The following LRBA variants were observed in gnomAD, a reference collection of about 807,000 sequenced individuals.
LRBA encodes LPS responsive beige-like anchor protein.
LRBA carries 176 observed loss-of-function variants against 330.0 expected under a neutral mutation model. The observed-to-expected ratio is 0.53, with a 90% CI of 0.47 to 0.60. LRBA has a LOEUF of 0.60. Among genes scored for constraint, LRBA ranks in the 20% least tolerant of loss-of-function variants. LRBA has a pLI of 0.00. For missense variants in LRBA, 3,259 were observed against 3,444.8 expected, an observed-to-expected ratio of 0.95 and a Z score of 1.35; for synonymous variants, 1,230 against 1,193.0, an observed-to-expected ratio of 1.03 and a Z score of -0.64.
intron 40 of LRBA, among the ~76,000 whole-genome samples, chr4:150,558,607 G>C (rs966002310): frequency 6.6e-6 from 1 of 152,028 alleles, no homozygotes; most frequent in African/African-American, 2.4e-5. Flanking sequence ...CATTTCTCTG[G>C]GGAGTCCTGG....
At chr4:150,796,674 T>TA (rs1740836202) in intron 34 of LRBA, among the ~76,000 whole-genome samples, 1 of 151,948 alleles carries the variant, frequency 6.6e-6, no homozygotes, top group African/African-American at 2.4e-5. Flanking sequence ...ATATTGGAAA[T>TA]AGCTTCCATG....
intron 40 of LRBA, among the ~76,000 whole-genome samples, chr4:150,507,862 C>T (rs1043978798): frequency 1.4e-4 from 22 of 152,072 alleles, no homozygotes; most frequent in African/African-American, 3.4e-4. Context: ...GTTAAGAAAA[C>T]GTGGCACATA....
In LRBA at chr4:150,572,071, A is replaced by G. The variant is rs557413272; in HGVS notation, c.6330+15977T>C. ...TGTACTTTTAGTCAAAACATGTAAC[A>G]CTTTTGTGTTTACATGAGCATAAAT... is the stretch of plus-strand genomic sequence containing the variant. On this transcript the variant is annotated intron_variant, in intron 40 of 56. Transcript: ENST00000651943. Among the ~76,000 whole-genome samples the G allele has an allele frequency of 2.5e-4, 38 of 152,130 alleles. No homozygotes were observed. In the South Asian group the frequency reaches 7.7e-3, roughly 31 times the overall value.
intron 40 of LRBA, 125 bp downstream of exon 40, chr4:150,587,923 G>T: frequency 3.2e-6 from 3 of 946,356 alleles, no homozygotes; most frequent in Non-Finnish European, 4.6e-6. Flanking sequence ...TAATGACATT[G>T]CATATAAGCC....
At chr4:150,597,232 T>A in intron 38 of LRBA, 1 of 448,502 alleles carries the variant, frequency 2.2e-6, no homozygotes. Context: ...AACATGTTAA[T>A]AAATTCTTTT....
intron 9 of LRBA, among the ~76,000 whole-genome samples, chr4:150,912,527 T>G (rs1378189742): frequency 6.6e-6 from 1 of 152,230 alleles, no homozygotes; most frequent in African/African-American, 2.4e-5. Context: ...ATTATTTCAT[T>G]ATATATTACA....
chr4:150,634,763 G>A (rs192004778), intron 37 of LRBA, among the ~76,000 whole-genome samples: 71 of 152,232 alleles, frequency 4.7e-4, no homozygotes, highest in African/African-American at 1.6e-3. Flanking sequence ...ACCCCTAAAG[G>A]TGGAGGAAGC....
chr4:150,689,611 T>C (rs1020761649), intron 36 of LRBA, among the ~76,000 whole-genome samples: 3 of 152,166 alleles, frequency 2.0e-5, no homozygotes, highest in African/African-American at 7.2e-5. Flanking sequence ...TATCGGTGAA[T>C]TCCACCAAAC....
At chr4:150,419,633 CTTTTTTTTTTT>C (rs780382905) in intron 46 of LRBA, among the ~76,000 whole-genome samples, 9 of 96,994 alleles carry the variant, frequency 9.3e-5, no homozygotes, top group Non-Finnish European at 1.4e-4. Flanking sequence ...CTGATAATAT[CTTTTTTTTTTT>C]TTTTTTTTTT....
At chr4:150,771,645 A>G (rs999338392) in intron 34 of LRBA, among the ~76,000 whole-genome samples, 16 of 152,144 alleles carry the variant, frequency 1.1e-4, no homozygotes, top group South Asian at 6.2e-4. Context: ...GCTACCAGGT[A>G]ACAGGTTGAT....
At chr4:150,354,036 G>A (rs1737506873) in intron 47 of LRBA, among the ~76,000 whole-genome samples, 1 of 152,038 alleles carries the variant, frequency 6.6e-6, no homozygotes, top group Admixed American at 6.6e-5. Flanking sequence ...AATGACAACT[G>A]CCTAACCAAA....
intron 35 of LRBA, among the ~76,000 whole-genome samples, chr4:150,739,878 T>C (rs1731715736): frequency 6.6e-6 from 1 of 152,088 alleles, no homozygotes. Flanking sequence ...TAGTCAAACA[T>C]CAAATAAGAC....
chr4:150,285,188 C>G (rs868501344), intron 54 of LRBA, among the ~76,000 whole-genome samples: 4 of 152,128 alleles, frequency 2.6e-5, no homozygotes, highest in Non-Finnish European at 4.4e-5. Flanking sequence ...CTCTGTTTCC[C>G]CACCAGATAA....
At chr4:150,505,046 A>T (rs1347111320) in intron 40 of LRBA, among the ~76,000 whole-genome samples, 1 of 152,180 alleles carries the variant, frequency 6.6e-6, no homozygotes, top group Non-Finnish European at 1.5e-5. Context: ...TATATATGCA[A>T]CCAATACAGG....
intron 44 of LRBA, among the ~76,000 whole-genome samples, chr4:150,441,514 T>G (rs1055753381): frequency 6.6e-6 from 1 of 152,104 alleles, no homozygotes; most frequent in African/African-American, 2.4e-5. Flanking sequence ...TGGTCTAATA[T>G]TAGTAAAAGC....
At chr4:150,739,509 T>C (rs1442193037) in intron 35 of LRBA, among the ~76,000 whole-genome samples, 1 of 152,184 alleles carries the variant, frequency 6.6e-6, no homozygotes, top group Non-Finnish European at 1.5e-5. Context: ...ACCACTGACT[T>C]TCCTAACCTC....
At position 150,747,962 on chromosome 4, in the gene LRBA, C is replaced by T. The variant is rs541736496; in HGVS notation, c.5646-12596G>A. On this transcript the variant is annotated intron_variant, in intron 35 of 56. Coordinates refer to ENST00000651943, the MANE Select transcript of LRBA (RefSeq NM_001364905.1). Reference sequence around the variant, plus strand: ...ATCTTCACGTGGATACCCAATAAGGCATTTCAAATCTAACATTTCCAGAGC... The same window carrying T: ...ATCTTCACGTGGATACCCAATAAGGTATTTCAAATCTAACATTTCCAGAGC... Among the ~76,000 whole-genome samples, 4 of 152,284 alleles carry T rather than the reference C, an allele frequency of 2.6e-5. No individual in the cohort carries two copies. In the East Asian group the frequency reaches 7.7e-4, roughly 29 times the overall value.
At chr4:150,372,765 T>TTTTTTTTTTTTTTTTG (rs1740582373) in intron 47 of LRBA, among the ~76,000 whole-genome samples, 5 of 144,330 alleles carry the variant, frequency 3.5e-5, no homozygotes, top group African/African-American at 7.5e-5. Context: ...AAGTTCTTAC[T>TTTTTTTTTTTTTTTTG]AGATATTAGT....
chr4:151,001,236 G>C (rs1288561928), intron 2 of LRBA, among the ~76,000 whole-genome samples: 1 of 152,152 alleles, frequency 6.6e-6, no homozygotes, highest in Admixed American at 6.5e-5. Flanking sequence ...TGAGGCACAA[G>C]CGGGGCATGT....
Sources: gnomAD v4.1 joint callset for allele counts (sites outside exome capture counted in the v4.1 genomes callset) on GRCh38, gnomAD v4.1.1 for gene constraint, MANE v1.5 for transcripts, NCBI Gene and HGNC (gene_info 2026-07-23, HGNC 2026-07-21) for gene names.